The following SLC39A11 variants were observed in gnomAD, a reference collection of about 807,000 sequenced individuals.
SLC39A11 encodes zinc transporter ZIP11.
In SLC39A11, 33 loss-of-function variants were observed where a neutral mutation model predicts 36.1. The observed-to-expected ratio is 0.91, with a 90% CI of 0.69 to 1.22. SLC39A11 has a LOEUF of 1.22. Among genes scored for constraint, SLC39A11 ranks in the 50% most tolerant of loss-of-function variants. SLC39A11 has a pLI of 0.00. For missense variants in SLC39A11, 432 were observed against 430.3 expected (o/e 1.00, Z -0.03); for synonymous variants, 166 against 170.3 (o/e 0.97, Z 0.20).
intron 6 of SLC39A11, among the ~76,000 whole-genome samples, chr17:72,777,018 G>GT: frequency 6.6e-6 from 1 of 152,254 alleles, no homozygotes; most frequent in Non-Finnish European, 1.5e-5. Flanking sequence ...CCTTCCTGGG[G>GT]GGCCGTGAGG....
rs180836978 is a variant in SLC39A11, at chr17:72,844,325, T to C, written c.601+5309A>G. On this transcript the variant is annotated intron_variant, in intron 6 of 9. Coordinates refer to ENST00000255559, the MANE Select transcript of SLC39A11 (RefSeq NM_139177.4). The stretch of plus-strand genomic sequence containing the variant: ...GGGTCTTTGGAGACACATCTATTTG[T>C]AGTTAGACCCTTGGTGGCTTCATCC... 3.7e-3 allele frequency among the ~76,000 whole-genome samples: 561 copies of C among 152,272 alleles called. 1 individual carries two copies. Among genetic ancestry groups the C allele is most frequent in the Admixed American group, 5.8e-3 (88 of 15,294 alleles).
chr17:73,003,690 G>C (rs189725402), intron 4 of SLC39A11, among the ~76,000 whole-genome samples: 1 of 152,306 alleles, frequency 6.6e-6, no homozygotes, highest in Admixed American at 6.5e-5. Context: ...GGTGGCCACA[G>C]AGGGCAGCAT....
At chr17:72,914,565 G>A (rs2083225792) in intron 5 of SLC39A11, among the ~76,000 whole-genome samples, 1 of 151,988 alleles carries the variant, frequency 6.6e-6, no homozygotes, top group African/African-American at 2.4e-5. Flanking sequence ...ATACCCCATA[G>A]GTACTGAGGG....
chr17:72,791,785 G>A (rs2076713231), intron 6 of SLC39A11, among the ~76,000 whole-genome samples: 1 of 152,126 alleles, frequency 6.6e-6, no homozygotes, highest in Admixed American at 6.6e-5. Context: ...TTTATAAGGG[G>A]CTTTTCGCCC....
intron 6 of SLC39A11, among the ~76,000 whole-genome samples, chr17:72,740,974 A>G (rs1240577755): frequency 2.0e-5 from 3 of 152,012 alleles, no homozygotes; most frequent in Non-Finnish European, 2.9e-5. Context: ...GGGTTTCTCC[A>G]TATTGCTCAG....
chr17:72,711,598 C>G (rs962404436), intron 7 of SLC39A11, among the ~76,000 whole-genome samples: 2 of 152,192 alleles, frequency 1.3e-5, no homozygotes, highest in African/African-American at 4.8e-5. Flanking sequence ...ATTCTAAATA[C>G]TACAGAACTG....
At chr17:72,957,240 T>C (rs1340869328) in intron 4 of SLC39A11, among the ~76,000 whole-genome samples, 1 of 152,212 alleles carries the variant, frequency 6.6e-6, no homozygotes, top group East Asian at 1.9e-4. Context: ...GAATCAATGG[T>C]ACTTTTTGTT....
intron 7 of SLC39A11, among the ~76,000 whole-genome samples, chr17:72,665,397 T>TTTGTTTG (rs1555631638): frequency 8.0e-6 from 1 of 125,334 alleles, no homozygotes; most frequent in African/African-American, 2.8e-5. Flanking sequence ...GTGTTTTTTT[T>TTTGTTTG]TTTTTTTTTT....
intron 6 of SLC39A11, among the ~76,000 whole-genome samples, chr17:72,824,549 C>T (rs760694999): frequency 1.3e-5 from 2 of 151,222 alleles, no homozygotes; most frequent in Non-Finnish European, 3.0e-5. Context: ...GAGGTTGGAA[C>T]AGTTTGAAGG....
At chr17:72,710,187 C>T (rs1442994884) in intron 7 of SLC39A11, among the ~76,000 whole-genome samples, 1 of 152,216 alleles carries the variant, frequency 6.6e-6, no homozygotes, top group East Asian at 1.9e-4. Flanking sequence ...CTGTTCTTAT[C>T]TCCTGCCAGT....
intron 4 of SLC39A11, among the ~76,000 whole-genome samples, chr17:72,949,518 G>A (rs1445311537): frequency 6.6e-6 from 1 of 151,848 alleles, no homozygotes; most frequent in Non-Finnish European, 1.5e-5. Context: ...TCCAATCAAG[G>A]TACCAGCACA....
chr17:72,834,947 G>A (rs964761738), intron 6 of SLC39A11, among the ~76,000 whole-genome samples: 29 of 152,278 alleles, frequency 1.9e-4, no homozygotes, highest in African/African-American at 6.0e-4. Context: ...CGCGTCTGTC[G>A]CCTGTGCAGG....
chr17:73,007,734 GA>G (rs1216449401), intron 4 of SLC39A11, among the ~76,000 whole-genome samples: 2 of 152,130 alleles, frequency 1.3e-5, no homozygotes, highest in Non-Finnish European at 2.9e-5. Context: ...AAGCTAAAGG[GA>G]AAAAGAGGAA....
chr17:73,091,526 C>G (rs1258529941), intron 1 of SLC39A11, among the ~76,000 whole-genome samples: 1 of 152,080 alleles, frequency 6.6e-6, no homozygotes, highest in Non-Finnish European at 1.5e-5. Flanking sequence ...TTCTCCTGCC[C>G]CATGTGGGAT....
chr17:73,014,617 A>G (rs986851448), intron 4 of SLC39A11, among the ~76,000 whole-genome samples: 2 of 152,228 alleles, frequency 1.3e-5, no homozygotes, highest in Non-Finnish European at 2.9e-5. Flanking sequence ...TGATCGTGCC[A>G]CTGCACTCCA....
At chr17:72,871,176 C>G (rs1044270597) in intron 5 of SLC39A11, among the ~76,000 whole-genome samples, 8 of 151,736 alleles carry the variant, frequency 5.3e-5, no homozygotes, top group African/African-American at 1.9e-4. Flanking sequence ...ATTCTCCTGC[C>G]TCAGCCTCCC....
At chr17:72,909,745 TTTTTC>T (rs1014420598) in intron 5 of SLC39A11, among the ~76,000 whole-genome samples, 7 of 99,706 alleles carry the variant, frequency 7.0e-5, no homozygotes, top group Non-Finnish European at 1.3e-4. Flanking sequence ...TTTTTTTTCT[TTTTTC>T]TTTTTTTTTT....
chr17:72,800,062 A>G (rs2077032243), intron 6 of SLC39A11, among the ~76,000 whole-genome samples: 2 of 151,752 alleles, frequency 1.3e-5, no homozygotes, highest in Admixed American at 1.3e-4. Flanking sequence ...GCCGGCCGAC[A>G]CTTATGGAAA....
In SLC39A11 at chr17:72,646,121, T is replaced by C. The variant is rs952463728; in HGVS notation, c.*1463A>G. 2 of 152,682 alleles carry C rather than the reference T, an allele frequency of 1.3e-5. No homozygotes were observed. The highest frequency in any genetic ancestry group is 2.9e-5 in the Non-Finnish European group (2 of 68,054). 9.5% of individuals were successfully genotyped at this position (152,682 alleles called of 1,614,324 possible). On this transcript the variant is annotated 3_prime_UTR_variant, in exon 10 of 10. Coordinates refer to ENST00000255559, the MANE Select transcript of SLC39A11 (RefSeq NM_139177.4). ...ATCAAACCTCTGAATGTGTCTTCAA[T>C]TTTGATCATCAGTGCTTCGGAAGAA...
Sources: allele counts gnomAD v4.1 joint callset (sites outside exome capture counted in the v4.1 genomes callset), GRCh38; gene constraint gnomAD v4.1.1; transcripts MANE v1.5; gene names NCBI Gene and HGNC (gene_info 2026-07-23, HGNC 2026-07-21).